Variants in PALM2AKAP2 observed in about 807,000 individuals in gnomAD.
PALM2AKAP2 encodes PALM2-AKAP2 fusion protein.
Under a neutral mutation model 71.5 loss-of-function variants are expected in PALM2AKAP2, and 37 were observed. The ratio of observed to expected loss-of-function variants is 0.52; its 90% CI spans 0.40 to 0.68. PALM2AKAP2 has a LOEUF of 0.68. Among genes scored for constraint, PALM2AKAP2 ranks in the 30% least tolerant of loss-of-function variants. PALM2AKAP2 has a pLI of 0.00. For missense variants in PALM2AKAP2, 1,224 were observed against 1,191.8 expected (o/e 1.03, Z -0.40); for synonymous variants, 468 against 478.8 (o/e 0.98, Z 0.29).
chr9:109,944,636 A>T (rs555351866), intron 6 of PALM2AKAP2: 61 of 152,328 alleles, frequency 4.0e-4, no homozygotes, highest in African/African-American at 1.2e-3. Context: ...ACTTAATTTC[A>T]TAACAAATAT....
upstream of PALM2AKAP2, among the ~76,000 whole-genome samples, chr9:109,780,029 T>G (rs1217835281): frequency 6.6e-6 from 1 of 151,324 alleles, no homozygotes; most frequent in Non-Finnish European, 1.5e-5. Flanking sequence ...AGGTGCCCAC[T>G]GGCTCGCGCG....
chr9:110,113,246 T>C (rs1363917225), intron 1 of PALM2AKAP2, among the ~76,000 whole-genome samples: 112 of 46,410 alleles, frequency 2.4e-3, no homozygotes, highest in African/African-American at 5.2e-3. Context: ...TTTTTTTCTT[T>C]TTTTTTTTTT....
chr9:110,171,735 T>C (rs551289624), exon 4 of PALM2AKAP2: 3 of 152,612 alleles, frequency 2.0e-5, no homozygotes, highest in Admixed American at 2.0e-4. Context: ...CACCCCCAAA[T>C]AGCACACAAG....
intron 6 of PALM2AKAP2, chr9:109,942,625 T>G (rs1831400485): frequency 6.6e-7 from 1 of 1,509,748 alleles, no homozygotes; most frequent in African/African-American, 1.4e-5. Context: ...GTTTGGCAAT[T>G]AACCATTCAC....
At chr9:110,156,044 C>T (rs965446034) in intron 2 of PALM2AKAP2, among the ~76,000 whole-genome samples, 1 of 152,224 alleles carries the variant, frequency 6.6e-6, no homozygotes, top group Non-Finnish European at 1.5e-5. Flanking sequence ...GAGCCACTGT[C>T]GGTCTGTCCA....
chr9:109,654,003 G>T (rs2132235048), intron 1 of PALM2AKAP2, among the ~76,000 whole-genome samples: 1 of 152,312 alleles, frequency 6.6e-6, no homozygotes, highest in South Asian at 2.1e-4. Flanking sequence ...TGGGGTAGGG[G>T]TTAGCCAATA....
intron 1 of PALM2AKAP2, among the ~76,000 whole-genome samples, chr9:110,083,347 C>T (rs948647735): frequency 2.0e-5 from 3 of 151,942 alleles, no homozygotes; most frequent in Non-Finnish European, 4.4e-5. Context: ...AGTCTATAAA[C>T]ACAAGCATAA....
chr9:109,858,091 T>C (rs12338023), intron 1 of PALM2AKAP2, among the ~76,000 whole-genome samples: 26,148 of 152,176 alleles, frequency 0.17, 2,457 homozygotes, highest in South Asian at 0.23. Context: ...CCATCTTTGC[T>C]GTATCTCATT....
At chr9:109,702,100 G>A (rs1384849238) in intron 1 of PALM2AKAP2, among the ~76,000 whole-genome samples, 1 of 152,156 alleles carries the variant, frequency 6.6e-6, no homozygotes, top group Non-Finnish European at 1.5e-5. Context: ...AACAGGTGCT[G>A]GAGAGGATGT....
exon 2 of PALM2AKAP2, chr9:110,138,224 G>C: frequency 6.2e-7 from 1 of 1,614,148 alleles, no homozygotes; most frequent in Non-Finnish European, 8.5e-7. Flanking sequence ...ACTGCCAGCT[G>C]TGCAGCCCAG....
At chr9:109,818,316 CAT>C (rs1436654990) in intron 1 of PALM2AKAP2, among the ~76,000 whole-genome samples, 2 of 151,928 alleles carry the variant, frequency 1.3e-5, no homozygotes, top group African/African-American at 4.8e-5. Flanking sequence ...ATCTTATAAA[CAT>C]AGGAGCTATG....
chr9:110,049,348 T>C (rs983347245), intron 1 of PALM2AKAP2, among the ~76,000 whole-genome samples: 1 of 152,056 alleles, frequency 6.6e-6, no homozygotes, highest in African/African-American at 2.4e-5. Flanking sequence ...AGTCCTGAAC[T>C]TTTCAGAGAG....
At chr9:110,062,863 G>T (rs1037126730) in intron 1 of PALM2AKAP2, among the ~76,000 whole-genome samples, 1 of 152,102 alleles carries the variant, frequency 6.6e-6, no homozygotes, top group African/African-American at 2.4e-5. Context: ...CCCCTCTTTG[G>T]TTCCTAAATA....
Position 109,809,289 on chromosome 9 carries a change from A to G in PALM2AKAP2, c.45+28756A>G, listed in dbSNP as rs1827665867. ...ACTGGGAGGGGAGCTTTACCCTGCA[A>G]AGCCAAAGGAGCAGAGCTGCCCAAG... On this transcript the variant is annotated intron_variant, in intron 1 of 9. Transcript: ENST00000302798. Among the ~76,000 whole-genome samples, 3 of 152,216 alleles carry G rather than the reference A, an allele frequency of 2.0e-5. No homozygotes were observed. The South Asian group carries it at 6.2e-4, about 32-fold the overall frequency.
chr9:109,989,104 A>G (rs56381934), intron 6 of PALM2AKAP2, among the ~76,000 whole-genome samples: 6,499 of 152,278 alleles, frequency 0.043, 254 homozygotes, highest in East Asian at 0.13. Flanking sequence ...TATCAGCAGC[A>G]TGAAAACAGA....
chr9:109,753,348 C>T (rs1315914903), intron 1 of PALM2AKAP2, among the ~76,000 whole-genome samples: 2 of 152,074 alleles, frequency 1.3e-5, no homozygotes, highest in African/African-American at 4.8e-5. Context: ...TCCAGTTCTG[C>T]TCTAATAATG....
chr9:109,949,322 T>C (rs564220649), intron 6 of PALM2AKAP2, among the ~76,000 whole-genome samples: 2 of 152,238 alleles, frequency 1.3e-5, no homozygotes, highest in South Asian at 4.2e-4. Flanking sequence ...TAAGCACAGT[T>C]GGCATTGCTT....
At chr9:109,648,107 G>A (rs915775423) in intron 1 of PALM2AKAP2, among the ~76,000 whole-genome samples, 2 of 152,136 alleles carry the variant, frequency 1.3e-5, no homozygotes, top group Non-Finnish European at 1.5e-5. Flanking sequence ...TTTAAAAGTG[G>A]CAGTTTCCCC....
intron 1 of PALM2AKAP2, among the ~76,000 whole-genome samples, chr9:110,120,149 T>C (rs938432964): frequency 2.0e-5 from 3 of 152,234 alleles, no homozygotes; most frequent in African/African-American, 7.2e-5. Flanking sequence ...CAGATGCTGA[T>C]ACTTAGACTA....
Sources: gnomAD v4.1 joint callset for allele counts (sites outside exome capture counted in the v4.1 genomes callset) on GRCh38, gnomAD v4.1.1 for gene constraint, MANE v1.5 for transcripts, NCBI Gene and HGNC (gene_info 2026-07-23, HGNC 2026-07-21) for gene names.